The following CALCOCO2 variants were observed in gnomAD, a reference collection of about 807,000 sequenced individuals.
CALCOCO2 encodes the protein calcium-binding and coiled-coil domain-containing protein 2.
Under a neutral mutation model 62.5 loss-of-function variants are expected in CALCOCO2, and 42 were observed. The ratio of observed to expected loss-of-function variants is 0.67; its 90% CI spans 0.53 to 0.87. The LOEUF is 0.87. CALCOCO2 is among the 40% of genes least tolerant of loss of function. The pLI is 0.00. For missense variants in CALCOCO2, 456 were observed against 515.0 expected (o/e 0.89, Z 1.11); for synonymous variants, 167 against 173.0 (o/e 0.97, Z 0.27).
chr17:48,858,064 T>TAGAATAGAACAGAAC lies in CALCOCO2; in HGVS notation c.1008+1886_1008+1887insCAGAACAGAATAGAA, dbSNP rs2040268446. On this transcript the variant is annotated intron_variant, in intron 10 of 12. Transcript: ENST00000258947. ...GAATAGAAAATAGAATAGAATAGAA[T>TAGAATAGAACAGAAC]AGAATAGAATTTTACCATCTTAATA... 1.4e-5 allele frequency among the ~76,000 whole-genome samples: 2 copies of TAGAATAGAACAGAAC among 142,522 alleles called. 1 individual carries two copies. The highest frequency in any genetic ancestry group is 5.2e-5 in the African/African-American group (2 of 38,496). The allele number at this position is 142,522 out of a possible 152,430, so 93.5% of individuals were successfully genotyped here. A position where few individuals can be genotyped will look rare whatever the true frequency, so the allele number is the denominator to read the frequency against.
At chr17:48,859,909 A>G (rs569059123) in intron 10 of CALCOCO2, among the ~76,000 whole-genome samples, 2 of 152,300 alleles carry the variant, frequency 1.3e-5, no homozygotes, top group East Asian at 3.9e-4. Context: ...AGCCCGGCCA[A>G]CATGGTGAAA....
intron 2 of CALCOCO2, among the ~76,000 whole-genome samples, chr17:48,843,719 G>C (rs1364154845): frequency 2.0e-5 from 3 of 152,174 alleles, no homozygotes; most frequent in Non-Finnish European, 4.4e-5. Context: ...GATGGTAGTT[G>C]TTTTTCTTCC....
intron 9 of CALCOCO2, among the ~76,000 whole-genome samples, chr17:48,854,743 A>C (rs1000391302): frequency 2.2e-4 from 34 of 151,698 alleles, no homozygotes; most frequent in African/African-American, 8.2e-4. Context: ...TTCAAGACCT[A>C]GGGGCTCCCC....
Position 48,853,016 on chromosome 17 carries a change from T to A in CALCOCO2, c.912+4T>A. The stretch of plus-strand genomic sequence containing the variant: ...GAAGAAACAACAGGAATTAATGGCA[T>A]GTCTGTCTTTGGATGGTTATGTGGG... On this transcript the variant is annotated splice_donor_region_variant and intron_variant, in intron 9 of 12. Transcript: ENST00000258947. 1.3e-6 allele frequency: 2 copies of A among 1,596,798 alleles called. No individual in the cohort carries two copies. Among genetic ancestry groups the A allele is most frequent in the Non-Finnish European group, 1.7e-6 (2 of 1,164,264 alleles).
At chr17:48,860,491 C>A in intron 11 of CALCOCO2, 42 bp downstream of exon 11, 1 of 1,593,580 alleles carries the variant, frequency 6.3e-7, no homozygotes, top group Non-Finnish European at 8.6e-7. Flanking sequence ...ACCCTGCCTG[C>A]ATCCCTTTCC....
chr17:48,843,373 C>T lies in CALCOCO2; in HGVS notation c.180+1486C>T, dbSNP rs190645740. Among the ~76,000 whole-genome samples the T allele has an allele frequency of 1.1e-4, 17 of 152,298 alleles. No homozygotes were observed. The East Asian group carries it at 3.3e-3, about 29-fold the overall frequency. On this transcript the variant is annotated intron_variant, in intron 2 of 12. Coordinates refer to ENST00000258947, the MANE Select transcript of CALCOCO2 (RefSeq NM_005831.5). ...ATTAATTTACACTGCCAACTCCCAACGTCAGTGACCTTTGGTTTGACACCT... is the reference window on the plus strand; with the variant it reads ...ATTAATTTACACTGCCAACTCCCAATGTCAGTGACCTTTGGTTTGACACCT...
chr17:48,846,579 T>C (rs1280853592), intron 2 of CALCOCO2: 5 of 739,340 alleles, frequency 6.8e-6, no homozygotes, highest in Non-Finnish European at 1.2e-5. Context: ...AATGATATTT[T>C]GGTCACAGTG....
intron 4 of CALCOCO2, 100 bp from the exon 5 acceptor site, chr17:48,849,152 C>T (rs1236687820): frequency 9.1e-7 from 1 of 1,100,000 alleles, no homozygotes; most frequent in Admixed American, 1.8e-5. Flanking sequence ...ATAGGTGTCA[C>T]TGCAGTGAAT....
chr17:48,837,704 G>GAAACCAGAA (rs2039913576), intron 1 of CALCOCO2, among the ~76,000 whole-genome samples: 1 of 151,962 alleles, frequency 6.6e-6, no homozygotes. Flanking sequence ...TGGCTAAACT[G>GAAACCAGAA]TGTCACAAAC....
At chr17:48,852,383 C>T (rs914461692) in intron 7 of CALCOCO2, 123 bp from the exon 8 acceptor site, 2 of 763,720 alleles carry the variant, frequency 2.6e-6, no homozygotes, top group Non-Finnish European at 4.3e-6. Flanking sequence ...TCTAATTTTA[C>T]TCAGTTGGCA....
chr17:48,843,372 A>G (rs2040001861), intron 2 of CALCOCO2, among the ~76,000 whole-genome samples: 1 of 152,110 alleles, frequency 6.6e-6, no homozygotes, highest in Non-Finnish European at 1.5e-5. Flanking sequence ...CCAACTCCCA[A>G]CGTCAGTGAC....
In CALCOCO2 at chr17:48,863,935, C is replaced by T. The variant is rs1253253681; in HGVS notation, c.*930C>T. 6.6e-6 allele frequency: 1 copy of T among 152,002 alleles called. No homozygotes were observed. The highest frequency in any genetic ancestry group is 3.2e-3 in the Middle Eastern group (1 of 316). The allele number at this position is 152,002 out of a possible 1,614,324, so 9.4% of individuals were successfully genotyped here. ...TCAAAAGGGCTATGGGAAGGGCAGA[C>T]CCCGCCAATGATTTCTCTTCACCTG... On this transcript the variant is annotated 3_prime_UTR_variant, in exon 13 of 13. Coordinates refer to ENST00000258947, the MANE Select transcript of CALCOCO2 (RefSeq NM_005831.5).
At chr17:48,853,938 T>C (rs560832634) in intron 9 of CALCOCO2, among the ~76,000 whole-genome samples, 30 of 152,282 alleles carry the variant, frequency 2.0e-4, no homozygotes, top group Admixed American at 1.6e-3. Context: ...AGTTCCTTCG[T>C]TTGATTACAT....
rs1057267468 is a variant in CALCOCO2, at chr17:48,863,564, A to G, written c.*559A>G. ...TCTCATGTTAATTTCTCAGCCCCCA[A>G]AGAAGCATCTTACTCCTGAACCTTA... is the stretch of plus-strand genomic sequence containing the variant. On this transcript the variant is annotated 3_prime_UTR_variant, in exon 13 of 13. Coordinates refer to ENST00000258947, the MANE Select transcript of CALCOCO2 (RefSeq NM_005831.5). The G allele has an allele frequency of 1.3e-5, 2 of 157,354 alleles. No individual in the cohort carries two copies. Among genetic ancestry groups the G allele is most frequent in the African/African-American group, 2.4e-5 (1 of 41,448 alleles). The allele number at this position is 157,354 out of a possible 1,614,324, so 9.7% of individuals were successfully genotyped here. A position where few individuals can be genotyped will look rare whatever the true frequency, so the allele number is the denominator to read the frequency against.
intron 1 of CALCOCO2, among the ~76,000 whole-genome samples, chr17:48,836,033 G>C (rs1418770821): frequency 6.6e-6 from 1 of 152,176 alleles, no homozygotes; most frequent in Non-Finnish European, 1.5e-5. Flanking sequence ...TTACAGGTGT[G>C]AGCCACGGCA....
At chr17:48,839,696 A>ATTTTGG (rs1353746616) in intron 1 of CALCOCO2, among the ~76,000 whole-genome samples, 2 of 106,802 alleles carry the variant, frequency 1.9e-5, no homozygotes, top group African/African-American at 3.8e-5. Flanking sequence ...TTTTTTTTTA[A>ATTTTGG]ACGGAGTTTC....
In CALCOCO2 at chr17:48,864,771, C is replaced by G. The variant is rs1447556279; in HGVS notation, c.*1766C>G. 6.6e-6 allele frequency: 1 copy of G among 152,216 alleles called. No individual in the cohort carries two copies. Among genetic ancestry groups the G allele is most frequent in the Non-Finnish European group, 1.5e-5 (1 of 68,056 alleles). 9.4% of individuals were successfully genotyped at this position (152,216 alleles called of 1,614,324 possible). A position where few individuals can be genotyped will look rare whatever the true frequency, so the allele number is the denominator to read the frequency against. On this transcript the variant is annotated 3_prime_UTR_variant, in exon 13 of 13. Coordinates refer to ENST00000258947, the MANE Select transcript of CALCOCO2 (RefSeq NM_005831.5). ...GAAGATGAAACTTACACTACTTCTC[C>G]AAGCCTTTTGCTGTCTTAAGAATAA...
rs1434565902 is a variant in CALCOCO2, at chr17:48,863,022, G to T, written c.*17G>T. 1 of 1,569,248 alleles carries T rather than the reference G, an allele frequency of 6.4e-7. No homozygotes were observed. Among genetic ancestry groups the T allele is most frequent in the Non-Finnish European group, 8.8e-7 (1 of 1,139,340 alleles). On this transcript the variant is annotated 3_prime_UTR_variant, in exon 13 of 13. Transcript: ENST00000258947. ...TCTCTCTGAGTATCCCAACCTCTTG[G>T]ATGTATACAGAGATTTTATAGAATA...
intron 2 of CALCOCO2, among the ~76,000 whole-genome samples, chr17:48,845,395 GT>G (rs1172183778): frequency 7.1e-6 from 1 of 141,186 alleles, no homozygotes; most frequent in Non-Finnish European, 1.5e-5. Context: ...GTGTGTGTGT[GT>G]GTGTGTGTGT....
Sources: gnomAD v4.1 joint callset for allele counts (sites outside exome capture counted in the v4.1 genomes callset) on GRCh38, gnomAD v4.1.1 for gene constraint, MANE v1.5 for transcripts, NCBI Gene and HGNC (gene_info 2026-07-23, HGNC 2026-07-21) for gene names.